Variants in RPS6KA3 observed in about 807,000 individuals in gnomAD.
The protein encoded by RPS6KA3 is ribosomal protein S6 kinase A3.
In RPS6KA3, 4 loss-of-function variants were observed where a neutral mutation model predicts 67.2. That is an observed-to-expected ratio of 0.06 (90% CI 0.03 to 0.14). RPS6KA3 has a LOEUF of 0.14. Ranked by LOEUF, RPS6KA3 falls within the 10% of genes least tolerant of loss-of-function variation. The probability of loss-of-function intolerance (pLI) is 1.00; values close to 1 mark genes in which losing one functional copy is unlikely to be tolerated. For synonymous variants in RPS6KA3, 182 were observed against 183.7 expected (o/e 0.99, Z 0.07); for missense variants, 204 against 559.0 (o/e 0.36, Z 6.40).
chrX:20,162,974 T>A lies in RPS6KA3; in HGVS notation c.1831A>T (p.Met611Leu). The A allele has an allele frequency of 8.7e-7, 1 of 1,151,406 alleles. No homozygotes were observed. The highest frequency in any genetic ancestry group is 1.2e-6 in the Non-Finnish European group (1 of 840,211). 94.9% of individuals were successfully genotyped at this position (1,151,406 alleles called of 1,213,427 possible). A position where few individuals can be genotyped will look rare whatever the true frequency, so the allele number is the denominator to read the frequency against. Residue 611 changes from methionine to leucine, a missense_variant, in exon 19 of 22, where the codon ATG becomes TTG. Physicochemically the swap from Met to Leu is conservative, Grantham distance 15. Coordinates refer to ENST00000379565, the MANE Select transcript of RPS6KA3 (RefSeq NM_004586.3). ...ATGGTATACACTCACCCGGTAAGCATTGTATAGAGTAGGACACCAAGACTC... is the reference window on the plus strand; with the variant it reads ...ATGGTATACACTCACCCGGTAAGCAATGTATAGAGTAGGACACCAAGACTC... The part of the protein sequence containing the change: ...IWSLGVLLYT[M>L]LTGYTPFANG...
At chrX:20,261,688 T>G (rs965403367) in intron 1 of RPS6KA3, among the ~76,000 whole-genome samples, 2 of 112,571 alleles carry the variant, frequency 1.8e-5, no homozygotes, top group Admixed American at 9.4e-5. Flanking sequence ...CACATTTGCG[T>G]TTGTTTTGCT....
intron 1 of RPS6KA3, among the ~76,000 whole-genome samples, chrX:20,262,029 C>T (rs889627384): frequency 8.9e-6 from 1 of 111,947 alleles, no homozygotes; most frequent in East Asian, 2.8e-4. Context: ...CACCAAAGCA[C>T]ATAAACAACT....
chrX:20,250,860 T>C, intron 1 of RPS6KA3, among the ~76,000 whole-genome samples: 1 of 112,254 alleles, frequency 8.9e-6, no homozygotes, highest in Non-Finnish European at 1.9e-5. Flanking sequence ...ATCAGGATAA[T>C]ACTGGCCTCA....
At chrX:20,190,755 T>TA (rs1049805172) in intron 7 of RPS6KA3, among the ~76,000 whole-genome samples, 4 of 110,057 alleles carry the variant, frequency 3.6e-5, no homozygotes, top group East Asian at 2.8e-4. Flanking sequence ...CCAAAAACAA[T>TA]AAAAAAAACA....
intron 10 of RPS6KA3, among the ~76,000 whole-genome samples, chrX:20,182,853 A>G (rs2067879269): frequency 8.9e-6 from 1 of 111,737 alleles, no homozygotes; most frequent in Non-Finnish European, 1.9e-5. Context: ...TTCACATCCC[A>G]CCATTTTGTA....
intron 1 of RPS6KA3, among the ~76,000 whole-genome samples, chrX:20,245,123 G>GCCACTAACTGTGGGCAAGCCCC (rs2147027285): frequency 8.9e-6 from 1 of 111,979 alleles, no homozygotes; most frequent in East Asian, 2.8e-4. Flanking sequence ...TTGAAAGTCT[G>GCCACTAACTGTGGGCAAGCCCC]CCACTAACTG....
chrX:20,194,342 G>A, intron 5 of RPS6KA3, 74 bp from the exon 6 acceptor site: 1 of 589,232 alleles, frequency 1.7e-6, no homozygotes, highest in Admixed American at 2.8e-5. Context: ...ATTCATAAAT[G>A]AATATTTTAA....
intron 10 of RPS6KA3, among the ~76,000 whole-genome samples, chrX:20,177,481 G>A (rs1740150727): frequency 8.9e-6 from 1 of 112,806 alleles, no homozygotes; most frequent in Admixed American, 9.4e-5. Context: ...TATGAATAAA[G>A]CTACAGTGAA....
At chrX:20,240,579 G>T in intron 1 of RPS6KA3, 1 of 588,993 alleles carries the variant, frequency 1.7e-6, no homozygotes, top group Non-Finnish European at 2.0e-6. Flanking sequence ...CAATGTGACA[G>T]GATTAAGAAT....
chrX:20,237,534 A>G (rs1056021252), intron 1 of RPS6KA3, among the ~76,000 whole-genome samples: 2 of 111,723 alleles, frequency 1.8e-5, no homozygotes, highest in Non-Finnish European at 3.8e-5. Context: ...GCTGCTGCTT[A>G]TAAGCTTTAT....
At chrX:20,186,195 C>A in intron 10 of RPS6KA3, 101 bp downstream of exon 10, 2 of 576,893 alleles carry the variant, frequency 3.5e-6, no homozygotes, top group Non-Finnish European at 6.0e-6. Flanking sequence ...GTCTTCCTTG[C>A]CCTCCCAAAG....
chrX:20,186,004 A>T (rs1356792590), intron 10 of RPS6KA3, among the ~76,000 whole-genome samples: 1 of 111,973 alleles, frequency 8.9e-6, no homozygotes, highest in Non-Finnish European at 1.9e-5. Flanking sequence ...CAGTGGTGTG[A>T]TATCAGCTCA....
intron 1 of RPS6KA3, among the ~76,000 whole-genome samples, chrX:20,238,075 A>G (rs1310512847): frequency 9.0e-6 from 1 of 111,546 alleles, no homozygotes; most frequent in East Asian, 2.8e-4. Flanking sequence ...ACTCTAATCC[A>G]CCCTGAAACT....
chrX:20,240,564 C>A, intron 1 of RPS6KA3: 1 of 600,232 alleles, frequency 1.7e-6, no homozygotes, highest in Non-Finnish European at 2.0e-6. Context: ...GTATATAATC[C>A]TTACCAATGT....
At chrX:20,171,898 T>C (rs990773703) in intron 15 of RPS6KA3, among the ~76,000 whole-genome samples, 9 of 112,571 alleles carry the variant, frequency 8.0e-5, no homozygotes, top group Admixed American at 2.8e-4. Flanking sequence ...AATTTCCTTC[T>C]TTAAAATTAG....
At chrX:20,163,924 C>T (rs1421509326) in intron 18 of RPS6KA3, among the ~76,000 whole-genome samples, 2 of 111,684 alleles carry the variant, frequency 1.8e-5, no homozygotes, top group Non-Finnish European at 3.8e-5. Flanking sequence ...CTGCCTTGGC[C>T]TCCCAAAGTG....
chrX:20,259,047 C>T (rs1263720259), intron 1 of RPS6KA3, among the ~76,000 whole-genome samples: 1 of 111,759 alleles, frequency 8.9e-6, no homozygotes, highest in African/African-American at 3.2e-5. Flanking sequence ...CATAAAATCA[C>T]TATTTATTAT....
chrX:20,190,033 T>C (rs1159583040), intron 7 of RPS6KA3, among the ~76,000 whole-genome samples: 1 of 111,026 alleles, frequency 9.0e-6, no homozygotes, highest in African/African-American at 3.3e-5. Context: ...TCCCTTCTAG[T>C]GAATACATGA....
chrX:20,227,376 C>T (rs756423792), intron 2 of RPS6KA3, among the ~76,000 whole-genome samples: 13 of 111,805 alleles, frequency 1.2e-4, no homozygotes, highest in Non-Finnish European at 1.9e-5. Context: ...CATTTTCCAG[C>T]GACTTCCCAA....
Sources: allele counts gnomAD v4.1 joint callset (sites outside exome capture counted in the v4.1 genomes callset), GRCh38; gene constraint gnomAD v4.1.1; transcripts MANE v1.5; gene names NCBI Gene and HGNC (gene_info 2026-07-23, HGNC 2026-07-21).